Variants in MFRP observed in about 807,000 individuals in gnomAD.
The protein encoded by MFRP is membrane frizzled-related protein, also known as C1q and TNF related 5.
A neutral mutation model predicts 65.8 loss-of-function variants in MFRP; 74 were observed. The ratio of observed to expected loss-of-function variants is 1.12; its 90% CI spans 0.93 to 1.36. The LOEUF (loss-of-function observed/expected upper bound fraction) is 1.36. MFRP is among the 40% of genes most tolerant of loss of function. The pLI, the probability that MFRP is intolerant of heterozygous loss-of-function variation, is 0.00. For synonymous variants in MFRP, 336 were observed against 288.3 expected (o/e 1.17, Z -1.68); for missense variants, 838 against 736.0 (o/e 1.14, Z -1.60).
At chr11:119,345,167 C>T (rs1217771514) in intron 5 of MFRP, among the ~76,000 whole-genome samples, 163 bp from the exon 6 acceptor site, 1 of 152,200 alleles carries the variant, frequency 6.6e-6, no homozygotes, top group Non-Finnish European at 1.5e-5. Flanking sequence ...CTTCCTAGCA[C>T]CTGCACATTT....
At chr11:119,342,476 T>G (rs1950511855) in intron 11 of MFRP, 120 bp downstream of exon 11, 3 of 1,338,670 alleles carry the variant, frequency 2.2e-6, no homozygotes, top group South Asian at 1.4e-5. Context: ...GTCAGGATGG[T>G]GAGGCCAGCT....
chr11:119,341,647 G>C lies in MFRP; in HGVS notation c.1641C>G (p.His547Gln), dbSNP rs1419850621. 1 of 1,612,906 alleles carries C rather than the reference G, an allele frequency of 6.2e-7. No individual in the cohort carries two copies. Among genetic ancestry groups the C allele is most frequent in the East Asian group, 2.2e-5 (1 of 44,900 alleles). ...PCRSVCQEAE[H>Q]QCQSGLALLG... ...GTAGTGCCAGGCCAGACTGGCACTG[G>C]TGCTCCGCTTCCTGGCAGACAGAGC... Residue 547 changes from histidine to glutamine, a missense_variant, in exon 13 of 15, where the codon CAC becomes CAG. Physicochemically the swap from His to Gln is conservative, Grantham distance 24. Transcript: ENST00000619721.
Position 119,341,517 on chromosome 11 carries a change from G to A in MFRP, c.*31C>T, listed in dbSNP as rs566842182. 4.4e-6 allele frequency: 7 copies of A among 1,579,134 alleles called. No individual in the cohort carries two copies. The Admixed American group carries it at 6.7e-5, about 15-fold the overall frequency. Reference sequence around the variant, plus strand: ...CAGCCCTGACCGGCAAAAGAGGACGGGCAGGAAGAGGGCAGGGGCCGGCTT... The same window carrying A: ...CAGCCCTGACCGGCAAAAGAGGACGAGCAGGAAGAGGGCAGGGGCCGGCTT... On this transcript the variant is annotated 3_prime_UTR_variant, in exon 13 of 15. Transcript: ENST00000619721.
At position 119,339,949 on chromosome 11, in the gene MFRP, G is replaced by T; in HGVS notation, c.*1111-101C>A. On this transcript the variant is annotated intron_variant, in intron 14 of 14. Coordinates refer to ENST00000619721, the MANE Select transcript of MFRP (RefSeq NM_031433.4). The surrounding 1 kb of genome is among the most constrained non-coding windows in gnomAD (Gnocchi z 5.4). ...CGTACCCCTCCCCGCCCCTGCCTGA[G>T]CTTCGGCCAGCGCCTCCTCCCGCAC... 7.3e-7 allele frequency: 1 copy of T among 1,378,170 alleles called. No individual in the cohort carries two copies. 85.4% of individuals were successfully genotyped at this position (1,378,170 alleles called of 1,614,324 possible).
intron 5 of MFRP, 31 bp downstream of exon 5, chr11:119,345,389 G>A (rs757856832): frequency 2.0e-5 from 32 of 1,596,188 alleles, no homozygotes; most frequent in Middle Eastern, 1.7e-4. Context: ...TTCAGGACAC[G>A]GTGGGATGTC....
rs1565294714 is a variant in MFRP at position 119,344,632 on chromosome 11, C to T, written c.898G>A (p.Gly300Arg). 3 of 1,614,044 alleles carry T rather than the reference C, an allele frequency of 1.9e-6. No homozygotes were observed. Among genetic ancestry groups the T allele is most frequent in the Admixed American group, 3.3e-5 (2 of 60,032 alleles). The change falls in exon 7 of 15, where the codon GGG (glycine) becomes AGG (arginine). Residue 300 changes from glycine to arginine, a missense_variant and splice_region_variant. Physicochemically the swap from Gly to Arg is moderately radical, Grantham distance 125. Coordinates refer to ENST00000619721, the MANE Select transcript of MFRP (RefSeq NM_031433.4). The stretch of plus-strand genomic sequence containing the variant: ...GAGGACCCCCATGCCTGGCCCGTAC[C>T]CGAGAACTTGGCACTGCAATTGGTC... ...DETNCSAKFS[G>R]CGGNLTGLQG...
intron 5 of MFRP, 31 bp downstream of exon 5, chr11:119,345,389 G>T: frequency 6.3e-7 from 1 of 1,596,308 alleles, no homozygotes; most frequent in South Asian, 1.1e-5. Flanking sequence ...TTCAGGACAC[G>T]GTGGGATGTC....
At chr11:119,343,027 TGGGCACCAGCCCTGGCTGACTGAGG>T in intron 9 of MFRP, 24 bp from the exon 10 acceptor site, 1 of 1,584,972 alleles carries the variant, frequency 6.3e-7, no homozygotes, top group East Asian at 2.3e-5. Flanking sequence ...ACAGCTGTTC[TGGGCACCAGCCCTGGCTGACTGAGG>T]GGGCACTGCA....
Position 119,340,410 on chromosome 11 carries a change from G to A in MFRP, c.*884C>T. ...GGAGTGGCCTCATAGCGCTGGCACC[G>A]GGAGCCCGGACGCCGGGGTCCTCTC... On this transcript the variant is annotated 3_prime_UTR_variant, in exon 14 of 15. Coordinates refer to ENST00000619721, the MANE Select transcript of MFRP (RefSeq NM_031433.4). The A allele has an allele frequency of 6.5e-7, 1 of 1,542,844 alleles. No homozygotes were observed. The highest frequency in any genetic ancestry group is 8.7e-7 in the Non-Finnish European group (1 of 1,145,844).
Position 119,341,622 on chromosome 11 carries a change from G to A in MFRP, c.1666C>T (p.Leu556=), listed in dbSNP as rs577487940. The change falls in exon 13 of 15, where the codon CTG becomes TTG. Residue 556 remains leucine (L), a synonymous_variant. Coordinates refer to ENST00000619721, the MANE Select transcript of MFRP (RefSeq NM_031433.4). ...EHQCQSGLAL[L]GTPWPFNCNR... is the part of the protein sequence containing the mutation. ...CAGTTGAAGGGCCAGGGGGTGCCCA[G>A]TAGTGCCAGGCCAGACTGGCACTGG... 16 of 1,612,968 alleles carry A rather than the reference G, an allele frequency of 9.9e-6. No individual in the cohort carries two copies. Among genetic ancestry groups the A allele is most frequent in the African/African-American group, 8.0e-5 (6 of 75,076 alleles).
At position 119,341,672 on chromosome 11, in the gene MFRP, C is replaced by A. The variant is rs750570918; in HGVS notation, c.1616G>T (p.Arg539Leu). 1 of 1,612,930 alleles carries A rather than the reference C, an allele frequency of 6.2e-7. No individual in the cohort carries two copies. Residue 539 changes from arginine to leucine, a missense_variant, in exon 13 of 15, where the codon CGC becomes CTC. Physicochemically the swap from Arg to Leu is moderately radical, Grantham distance 102. Coordinates refer to ENST00000619721, the MANE Select transcript of MFRP (RefSeq NM_031433.4). ...GTGCTCCGCTTCCTGGCAGACAGAGCGGCAAGGGGGCAGAACACTGCCTAG... is the reference window on the plus strand; with the variant it reads ...GTGCTCCGCTTCCTGGCAGACAGAGAGGCAAGGGGGCAGAACACTGCCTAG... ...TPLGSVLPPC[R>L]SVCQEAEHQC... is the part of the protein sequence containing the mutation.
At chr11:119,342,813 C>G (rs1006954954) in intron 10 of MFRP, 60 bp downstream of exon 10, 35 of 1,613,004 alleles carry the variant, frequency 2.2e-5, no homozygotes, top group Non-Finnish European at 2.6e-5. Flanking sequence ...GTCCAGAGCC[C>G]TTGTCTGTCC....
chr11:119,344,448 G>T, intron 7 of MFRP, 57 bp from the exon 8 acceptor site: 1 of 1,569,034 alleles, frequency 6.4e-7, no homozygotes, highest in Non-Finnish European at 8.7e-7. Context: ...CCATCCAATA[G>T]GGCTGGCGGT....
At chr11:119,344,802 C>T in intron 6 of MFRP, 45 bp from the exon 7 acceptor site, 3 of 1,613,754 alleles carry the variant, frequency 1.9e-6, no homozygotes, top group East Asian at 2.2e-5. Context: ...AGTCTCCACC[C>T]CTTTGACAGG....
In MFRP at chr11:119,341,068, G is replaced by A; in HGVS notation, c.*480C>T. 5.2e-6 allele frequency: 1 copy of A among 193,636 alleles called. No homozygotes were observed. Among genetic ancestry groups the A allele is most frequent in the Non-Finnish European group, 1.1e-5 (1 of 93,156 alleles). 12.0% of individuals were successfully genotyped at this position (193,636 alleles called of 1,614,324 possible). A position where few individuals can be genotyped will look rare whatever the true frequency, so the allele number is the denominator to read the frequency against. On this transcript the variant is annotated 3_prime_UTR_variant, in exon 13 of 15. Transcript: ENST00000619721. The stretch of plus-strand genomic sequence containing the variant: ...TTCCCAGGGCCAGAGGAGAGGCAGG[G>A]CAGTGGCAGAGACCAAGGACCAGAC...
chr11:119,340,786 G>T lies in MFRP; in HGVS notation c.*762C>A, dbSNP rs962064583. 2.7e-5 allele frequency: 7 copies of T among 260,954 alleles called. 1 individual carries two copies. The highest frequency in any genetic ancestry group is 1.4e-4 in the South Asian group (3 of 21,980). The allele number at this position is 260,954 out of a possible 1,614,324, so 16.2% of individuals were successfully genotyped here. A position where few individuals can be genotyped will look rare whatever the true frequency, so the allele number is the denominator to read the frequency against. ...TGCTCCAGCCCCCGCGCTTCTCCCCGGCCAGGCGCCCCCTGCCCTGCCGTC... is the reference window on the plus strand; with the variant it reads ...TGCTCCAGCCCCCGCGCTTCTCCCCTGCCAGGCGCCCCCTGCCCTGCCGTC... On this transcript the variant is annotated 3_prime_UTR_variant, in exon 13 of 15. Transcript: ENST00000619721.
At chr11:119,340,153 G>A (rs1215143075) in intron 14 of MFRP, 31 bp downstream of exon 14, 2 of 1,505,730 alleles carry the variant, frequency 1.3e-6, no homozygotes, top group Non-Finnish European at 1.8e-6. Flanking sequence ...CTCGGACATC[G>A]CCACCGATAG....
In MFRP at chr11:119,343,932, T is replaced by G. The variant is rs762880760; in HGVS notation, c.1008A>C (p.Gly336=). ...LCTWHISVPA[G]HSIELQFHNF... is the part of the protein sequence containing the mutation. The stretch of plus-strand genomic sequence containing the variant: ...TGTGGAACTGTAGTTCTATGCTGTG[T>G]CCGGCAGGCACCGAGATATGCCAGG... Residue 336 remains glycine, a synonymous_variant, in exon 9 of 15, where the codon GGA becomes GGC. Coordinates refer to ENST00000619721, the MANE Select transcript of MFRP (RefSeq NM_031433.4). 5 of 1,613,562 alleles carry G rather than the reference T, an allele frequency of 3.1e-6. No homozygotes were observed. The highest frequency in any genetic ancestry group is 3.4e-6 in the Non-Finnish European group (4 of 1,180,006).
chr11:119,343,055 G>C (rs1477731629), intron 9 of MFRP, 52 bp from the exon 10 acceptor site: 1 of 1,556,308 alleles, frequency 6.4e-7, no homozygotes, highest in Non-Finnish European at 8.7e-7. Context: ...GACTGAGGGG[G>C]CACTGCAGCC....
Sources: allele counts gnomAD v4.1 joint callset (sites outside exome capture counted in the v4.1 genomes callset), GRCh38; gene constraint gnomAD v4.1.1; non-coding constraint Gnocchi (gnomAD v3.1); transcripts MANE v1.5; gene names NCBI Gene and HGNC (gene_info 2026-07-23, HGNC 2026-07-21).